NPC1L1: variants seen among roughly 807,000 people sequenced by gnomAD.
NPC1L1 encodes NPC1 like intracellular cholesterol transporter 1, also known as NPC1-like intracellular cholesterol transporter 1.
A neutral mutation model predicts 117.0 loss-of-function variants in NPC1L1; 98 were observed. The observed-to-expected ratio is 0.84, with a 90% CI of 0.71 to 0.99. The LOEUF (loss-of-function observed/expected upper bound fraction) is 0.99. NPC1L1 is among the 50% of genes least tolerant of loss of function. NPC1L1 has a pLI of 0.00. For synonymous variants in NPC1L1, 729 were observed against 727.6 expected (o/e 1.00, Z -0.03); for missense variants, 1,540 against 1,710.0 (o/e 0.90, Z 1.75).
At position 44,512,813 on chromosome 7, in the gene NPC1L1, C is replaced by T. The variant is rs1213519807; in HGVS notation, c.*634G>A. On this transcript the variant is annotated 3_prime_UTR_variant, in exon 19 of 19. Transcript: ENST00000381160. The stretch of plus-strand genomic sequence containing the variant: ...CACCATTTTCCAGGAGGGGCTAATC[C>T]ATGACCAAGGTGCTTATGAGAGCAT... 1.9e-5 allele frequency: 3 copies of T among 158,224 alleles called. No homozygotes were observed. The highest frequency in any genetic ancestry group is 4.2e-5 in the Non-Finnish European group (3 of 71,158). The allele number at this position is 158,224 out of a possible 1,614,324, so 9.8% of individuals were successfully genotyped here.
At chr7:44,535,113 G>A (rs910408446) in intron 5 of NPC1L1, among the ~76,000 whole-genome samples, 5 of 152,048 alleles carry the variant, frequency 3.3e-5, no homozygotes, top group African/African-American at 7.2e-5. Context: ...GGTAGCTCAC[G>A]CATGTAATCC....
chr7:44,514,991 C>A (rs1399941318), intron 18 of NPC1L1, among the ~76,000 whole-genome samples: 3 of 150,272 alleles, frequency 2.0e-5, no homozygotes, highest in Admixed American at 6.6e-5. Flanking sequence ...CCAGCCTGGG[C>A]AACAGAGCGA....
At chr7:44,533,718 G>T in intron 7 of NPC1L1, 21 bp downstream of exon 7, 5 of 1,611,966 alleles carry the variant, frequency 3.1e-6, no homozygotes, top group Non-Finnish European at 4.2e-6. Flanking sequence ...TGCCGAGTGG[G>T]GAGGTCTCAC....
At chr7:44,518,806 G>A (rs1464180918) in intron 14 of NPC1L1, 2 of 946,474 alleles carry the variant, frequency 2.1e-6, no homozygotes, top group Non-Finnish European at 2.6e-6. Flanking sequence ...AGCAGGGGAG[G>A]TGCCTGGAGA....
Position 44,531,797 on chromosome 7 carries a change from G to C in NPC1L1, c.2595C>G (p.Cys865Trp). Residue 865 changes from cysteine to tryptophan, a missense_variant, in exon 10 of 19, where the codon TGC becomes TGG. By Grantham distance (215) the Cys-to-Trp change is radical (BLOSUM62 -2). Around this residue, in one of 3 missense-constraint regions of NPC1L1, gnomAD observed 742 missense variants for 873.6 expected, o/e 0.85. Coordinates refer to ENST00000381160, the MANE Select transcript of NPC1L1 (RefSeq NM_001101648.2). The stretch of plus-strand genomic sequence containing the variant: ...CCTGGTCCAGTCCCACGCTGATGTG[G>C]CACATGGAGTAGAGGCTCACTCCGA... ...ALFGVSLYSMCHISVGLDQEL... is the reference protein window; with the variant it reads ...ALFGVSLYSMWHISVGLDQEL... The C allele has an allele frequency of 1.3e-6, 2 of 1,589,732 alleles. No homozygotes were observed. Among genetic ancestry groups the C allele is most frequent in the Non-Finnish European group, 1.7e-6 (2 of 1,168,398 alleles).
rs1331093124 is a variant in NPC1L1, at chr7:44,541,236, G to T, written c.24C>A (p.Gly8=). ...GCAGGAGCAGGGCCCACAGCAGCCA[G>T]CCCCTCAGGCCGGCCTCCGCCATCC... MAEAGLR[G]WLLWALLLRL... is the part of the protein sequence containing the mutation. Residue 8 remains glycine (G), a synonymous_variant, in exon 1 of 19, where the codon GGC becomes GGA. Transcript: ENST00000381160. 6.5e-7 allele frequency: 1 copy of T among 1,549,936 alleles called. No homozygotes were observed. Among genetic ancestry groups the T allele is most frequent in the Non-Finnish European group, 8.7e-7 (1 of 1,146,806 alleles).
intron 12 of NPC1L1, among the ~76,000 whole-genome samples, 171 bp downstream of exon 12, chr7:44,521,533 CCCACACAG>C (rs1801352238): frequency 6.6e-6 from 1 of 152,238 alleles, no homozygotes; most frequent in Admixed American, 6.5e-5. Context: ...AGCACGGTCA[CCCACACAG>C]GTGCTTCTCA....
rs775516986 is a variant in NPC1L1, at chr7:44,515,786, C to A, written c.3796+17G>T. On this transcript the variant is annotated intron_variant, in intron 18 of 18. Coordinates refer to ENST00000381160, the MANE Select transcript of NPC1L1 (RefSeq NM_001101648.2). ...CATAATCATGACAGTCTGGTAGGAA[C>A]AGGCCTGGGCACTCACCCACGTAGC... 1 of 1,614,136 alleles carries A rather than the reference C, an allele frequency of 6.2e-7. No homozygotes were observed. The highest frequency in any genetic ancestry group is 1.1e-5 in the South Asian group (1 of 91,078).
chr7:44,533,532 G>T lies in NPC1L1; in HGVS notation c.2308C>A (p.Arg770=). 4 of 1,614,216 alleles carry T rather than the reference G, an allele frequency of 2.5e-6. No individual in the cohort carries two copies. The highest frequency in any genetic ancestry group is 3.4e-6 in the Non-Finnish European group (4 of 1,180,034). Residue 770 remains arginine, a synonymous_variant, in exon 8 of 19, where the codon CGG becomes AGG. Transcript: ENST00000381160. ...LGALTPMPAV[R]TFALTSGLAV... is the part of the protein sequence containing the mutation. ...AGGCCAGAGGTCAGGGCAAAGGTCC[G>T]CACAGCTGGCATGGGGGTCAGGGCC... is the stretch of plus-strand genomic sequence containing the variant.
Position 44,534,357 on chromosome 7 carries a change from G to A in NPC1L1, c.2166+90C>T. The A allele has an allele frequency of 7.7e-7, 1 of 1,305,584 alleles. No homozygotes were observed. The highest frequency in any genetic ancestry group is 1.2e-5 in the South Asian group (1 of 84,444). The allele number at this position is 1,305,584 out of a possible 1,614,324, so 80.9% of individuals were successfully genotyped here. On this transcript the variant is annotated intron_variant, in intron 6 of 18. Coordinates refer to ENST00000381160, the MANE Select transcript of NPC1L1 (RefSeq NM_001101648.2). The surrounding 1 kb of genome is among the most constrained non-coding windows in gnomAD (Gnocchi z 5.2). Reference sequence around the variant, plus strand: ...CAGAAAGAGTCTGCAGGGAGACCCAGCAAATTCACGCCAGAGTCCCATCAG... The same window carrying A: ...CAGAAAGAGTCTGCAGGGAGACCCAACAAATTCACGCCAGAGTCCCATCAG...
At chr7:44,522,029 T>C in intron 11 of NPC1L1, 23 bp downstream of exon 11, 1 of 1,611,632 alleles carries the variant, frequency 6.2e-7, no homozygotes. Context: ...TAGGCTGGGG[T>C]TTGGGGCGGG....
At chr7:44,529,379 T>G (rs1264421047) in intron 10 of NPC1L1, among the ~76,000 whole-genome samples, 1 of 150,738 alleles carries the variant, frequency 6.6e-6, no homozygotes, top group Non-Finnish European at 1.5e-5. Flanking sequence ...AGACAAAATA[T>G]ACTTTTTTTT....
At chr7:44,535,501 G>C (rs1801852517) in intron 5 of NPC1L1, among the ~76,000 whole-genome samples, 1 of 151,906 alleles carries the variant, frequency 6.6e-6, no homozygotes, top group Non-Finnish European at 1.5e-5. Flanking sequence ...CTGCACTCCA[G>C]CCTGGGCAAC....
chr7:44,531,004 G>A (rs1390495176), intron 10 of NPC1L1, among the ~76,000 whole-genome samples: 1 of 152,186 alleles, frequency 6.6e-6, no homozygotes, highest in Admixed American at 6.5e-5. Flanking sequence ...TCCCCAGATG[G>A]GACCTAGACA....
rs1222301893 is a variant in NPC1L1 at position 44,513,535 on chromosome 7, T to C, written c.3911A>G (p.Asn1304Ser). ...TTCAAAGCTGTGGTTGACATAGATG[T>C]TGTCAGCTGTGGAGACTCGGGAGGG... ...NHPSRVSTAD[N>S]IYVNHSFEGS... The change falls in exon 19 of 19, where the codon AAC becomes AGC. Residue 1304 changes from asparagine to serine, a missense_variant. Asn to Ser is a conservative substitution (Grantham distance 46). Around this residue, in one of 3 missense-constraint regions of NPC1L1, gnomAD observed 742 missense variants for 873.6 expected, o/e 0.85. Coordinates refer to ENST00000381160, the MANE Select transcript of NPC1L1 (RefSeq NM_001101648.2). The C allele has an allele frequency of 6.2e-7, 1 of 1,614,194 alleles. No homozygotes were observed. The highest frequency in any genetic ancestry group is 1.1e-5 in the South Asian group (1 of 91,088).
Position 44,538,583 on chromosome 7 carries a change from G to A in NPC1L1, c.1580+234C>T, listed in dbSNP as rs1801970030. On this transcript the variant is annotated intron_variant, in intron 2 of 18. Transcript: ENST00000381160. The surrounding 1 kb of genome is among the most constrained non-coding windows in gnomAD (Gnocchi z 5.9). The stretch of plus-strand genomic sequence containing the variant: ...GACAGAGTGGACTCGGGGTTGAAGG[G>A]CCAGCGATGGCCACGCACAAACCTG... 6.6e-6 allele frequency among the ~76,000 whole-genome samples: 1 copy of A among 152,262 alleles called. No individual in the cohort carries two copies. Among genetic ancestry groups the A allele is most frequent in the Non-Finnish European group, 1.5e-5 (1 of 68,046 alleles).
rs201229073 is a variant in NPC1L1, at chr7:44,533,779, C to T, written c.2241G>A (p.Met747Ile). The T allele has an allele frequency of 1.2e-4, 189 of 1,614,116 alleles. No individual in the cohort carries two copies. Among genetic ancestry groups the T allele is most frequent in the Non-Finnish European group, 1.5e-4 (178 of 1,180,026 alleles). The change falls in exon 7 of 19, where the codon ATG (methionine) becomes ATA (isoleucine). Residue 747 changes from methionine (M) to isoleucine (I), a missense_variant. Physicochemically the swap from Met to Ile is conservative, Grantham distance 10 (BLOSUM62 1). Around this residue, in one of 3 missense-constraint regions of NPC1L1, gnomAD observed 742 missense variants for 873.6 expected, o/e 0.85. Coordinates refer to ENST00000381160, the MANE Select transcript of NPC1L1 (RefSeq NM_001101648.2). ...TGGCCTCAGAGAGGCTGCACAACAG[C>T]ATGCTGGGAGCCACCCTGCCTAGGG... is the stretch of plus-strand genomic sequence containing the variant. ...GRALGRVAPS[M>I]LLCSLSEAIC...
intron 10 of NPC1L1, among the ~76,000 whole-genome samples, chr7:44,523,303 G>A (rs917740162): frequency 1.3e-5 from 2 of 152,090 alleles, no homozygotes; most frequent in African/African-American, 2.4e-5. Context: ...TGATCCACCC[G>A]TCTCGGCCTC....
chr7:44,526,453 G>A (rs1241507159), intron 10 of NPC1L1, among the ~76,000 whole-genome samples: 2 of 150,036 alleles, frequency 1.3e-5, no homozygotes, highest in African/African-American at 4.9e-5. Flanking sequence ...GGAGGCTGAG[G>A]TAGTAGAATC....
Sources: allele counts gnomAD v4.1 joint callset (sites outside exome capture counted in the v4.1 genomes callset), GRCh38; gene constraint gnomAD v4.1.1; regional missense constraint gnomAD v4.1.1; non-coding constraint Gnocchi (gnomAD v3.1); transcripts MANE v1.5; gene names NCBI Gene and HGNC (gene_info 2026-07-23, HGNC 2026-07-21).